The following TMEM114 variants were observed in gnomAD, a reference collection of about 807,000 sequenced individuals.
TMEM114 encodes transmembrane protein 114.
TMEM114 carries 6 observed loss-of-function variants against 6.2 expected under a neutral mutation model. That is an observed-to-expected ratio of 0.97 (90% CI 0.53 to 1.91). The LOEUF (loss-of-function observed/expected upper bound fraction) is 1.91. TMEM114 is among the 40% of genes most tolerant of loss of function. The pLI is 0.01. For missense variants in TMEM114, 218 were observed against 158.3 expected, an observed-to-expected ratio of 1.38 and a Z score of -2.02; for synonymous variants, 104 against 73.0, an observed-to-expected ratio of 1.42 and a Z score of -2.16.
At chr16:8,546,540 G>A (rs1900672397) in intron 2 of TMEM114, among the ~76,000 whole-genome samples, 1 of 152,146 alleles carries the variant, frequency 6.6e-6, no homozygotes, top group Non-Finnish European at 1.5e-5. Flanking sequence ...AGAAAGTCCG[G>A]CCACTATCTC....
At chr16:8,536,299 T>G (rs1900357984), downstream of TMEM114, among the ~76,000 whole-genome samples, 1 of 152,194 alleles carries the variant, frequency 6.6e-6, no homozygotes, top group East Asian at 1.9e-4. Flanking sequence ...ACCCATTTTA[T>G]TATTTTTAGC....
At chr16:8,533,992 T>G (rs1222330747), downstream of TMEM114, among the ~76,000 whole-genome samples, 1 of 152,218 alleles carries the variant, frequency 6.6e-6, no homozygotes, top group Non-Finnish European at 1.5e-5. Context: ...TGGCACCCAG[T>G]ACCTCTTTGT....
chr16:8,561,418 C>A (rs976202749), intron 2 of TMEM114, among the ~76,000 whole-genome samples: 1 of 152,232 alleles, frequency 6.6e-6, no homozygotes, highest in Non-Finnish European at 1.5e-5. Flanking sequence ...CCGCATTCCA[C>A]CAGCCATGTT....
At chr16:8,582,955 G>A (rs183647548) in intron 2 of TMEM114, among the ~76,000 whole-genome samples, 1 of 152,134 alleles carries the variant, frequency 6.6e-6, no homozygotes, top group Non-Finnish European at 1.5e-5. Context: ...GAAAGGCAGG[G>A]AAAGGCAGGG....
At chr16:8,577,360 C>T (rs534985712) in intron 2 of TMEM114, among the ~76,000 whole-genome samples, 40 of 152,214 alleles carry the variant, frequency 2.6e-4, no homozygotes, top group Non-Finnish European at 4.1e-4. Flanking sequence ...CTTGGATTTC[C>T]ACCTCAGTTC....
intron 2 of TMEM114, among the ~76,000 whole-genome samples, chr16:8,572,716 G>C (rs1901776902): frequency 6.6e-6 from 1 of 152,226 alleles, no homozygotes; most frequent in Non-Finnish European, 1.5e-5. Flanking sequence ...CATTACAGGT[G>C]TGAGCCACTG....
intron 2 of TMEM114, among the ~76,000 whole-genome samples, chr16:8,559,121 CA>C (rs1185427002): frequency 2.0e-5 from 3 of 152,154 alleles, no homozygotes; most frequent in African/African-American, 7.2e-5. Flanking sequence ...CGGCTCACTG[CA>C]ACCTCTTCTT....
chr16:8,551,647 G>A (rs930746659), intron 2 of TMEM114, among the ~76,000 whole-genome samples: 4 of 152,224 alleles, frequency 2.6e-5, no homozygotes, highest in African/African-American at 4.8e-5. Context: ...TGTCTGTGAG[G>A]CAGGACAAAA....
chr16:8,561,309 C>G (rs979994775), intron 2 of TMEM114, among the ~76,000 whole-genome samples: 5 of 152,222 alleles, frequency 3.3e-5, no homozygotes, highest in Non-Finnish European at 5.9e-5. Context: ...TCTGGTCTCT[C>G]AAAAGACTGG....
chr16:8,550,761 G>A (rs1050314768), intron 2 of TMEM114, among the ~76,000 whole-genome samples: 2 of 150,946 alleles, frequency 1.3e-5, no homozygotes, highest in Admixed American at 1.3e-4. Context: ...AGCTCTTGGG[G>A]CTCTGAATGT....
At chr16:8,558,245 C>T (rs1461277428) in intron 2 of TMEM114, among the ~76,000 whole-genome samples, 1 of 152,052 alleles carries the variant, frequency 6.6e-6, no homozygotes, top group East Asian at 1.9e-4. Context: ...GAGAGTCTGT[C>T]TCAAAAAGAA....
intron 2 of TMEM114, among the ~76,000 whole-genome samples, chr16:8,540,281 G>T (rs368936794): frequency 6.6e-6 from 1 of 152,120 alleles, no homozygotes; most frequent in African/African-American, 2.4e-5. Flanking sequence ...TTTATAGGAG[G>T]AATAGAACAG....
In TMEM114 at chr16:8,541,143, C is replaced by T. The variant is rs553420377; in HGVS notation, n.213-3317G>A. Among the ~76,000 whole-genome samples the T allele has an allele frequency of 2.0e-5, 3 of 152,194 alleles. No homozygotes were observed. In the East Asian group the frequency reaches 5.8e-4, roughly 29 times the overall value. ...TATTGAACTCTTGCTATATGCCAGG[C>T]ATATTATATCATATCGTCTAAACTC... On this transcript the variant is annotated intron_variant and non_coding_transcript_variant, in intron 2 of 2. Transcript: ENST00000623677.
At chr16:8,560,784 G>A (rs1356957233) in intron 2 of TMEM114, among the ~76,000 whole-genome samples, 1 of 152,166 alleles carries the variant, frequency 6.6e-6, no homozygotes, top group Non-Finnish European at 1.5e-5. Flanking sequence ...TCACCTCCAG[G>A]AGAAGGCACC....
At chr16:8,570,086 C>T (rs1445244752) in intron 3 of TMEM114, 81 bp from the exon 4 acceptor site, 1 of 1,483,586 alleles carries the variant, frequency 6.7e-7, no homozygotes, top group Non-Finnish European at 9.0e-7. Flanking sequence ...CCTGCCCAGC[C>T]ACGCTGCTCA....
chr16:8,531,467 G>A, the TMEM114 span, among the ~76,000 whole-genome samples: 1 of 152,230 alleles, frequency 6.6e-6, no homozygotes, highest in Non-Finnish European at 1.5e-5. Flanking sequence ...TGCTGTGAGA[G>A]TTATCACAAG....
At chr16:8,533,444 G>T (rs1042216656), downstream of TMEM114, among the ~76,000 whole-genome samples, 6 of 152,144 alleles carry the variant, frequency 3.9e-5, no homozygotes, top group Non-Finnish European at 8.8e-5. Flanking sequence ...TATTGTGAGG[G>T]GCGATGAATG....
intron 2 of TMEM114, among the ~76,000 whole-genome samples, chr16:8,544,220 C>A (rs759720189): frequency 6.6e-6 from 1 of 152,180 alleles, no homozygotes; most frequent in Non-Finnish European, 1.5e-5. Context: ...CCCTCTCATG[C>A]TGGCTTTATG....
In TMEM114 at chr16:8,538,048, T is replaced by A. The variant is rs751193191; in HGVS notation, n.213-222A>T. The stretch of plus-strand genomic sequence containing the variant: ...GCGCCGTGACTTACACCTGTAATCC[T>A]GGCACTTTGTGAGGCCAGGGCAGGT... On this transcript the variant is annotated intron_variant and non_coding_transcript_variant, in intron 2 of 2. Transcript: ENST00000623677. Among the ~76,000 whole-genome samples, 17 of 141,546 alleles carry A rather than the reference T, an allele frequency of 1.2e-4. No individual in the cohort carries two copies. The Middle Eastern group carries it at 0.02, about 164-fold the overall frequency. 92.9% of individuals were successfully genotyped at this position (141,546 alleles called of 152,430 possible). A position where few individuals can be genotyped will look rare whatever the true frequency, so the allele number is the denominator to read the frequency against.
Sources: allele counts gnomAD v4.1 joint callset (sites outside exome capture counted in the v4.1 genomes callset), GRCh38; gene constraint gnomAD v4.1.1; transcripts MANE v1.5; gene names NCBI Gene and HGNC (gene_info 2026-07-23, HGNC 2026-07-21).